The following PYROXD1 variants were observed in gnomAD, a reference collection of about 807,000 sequenced individuals.
PYROXD1 encodes the protein pyridine nucleotide-disulphide oxidoreductase domain 1, also known as tRNA ligase complex-associated NAD(P)H dehydrogenase PYROXD1.
In PYROXD1, 42 loss-of-function variants were observed where a neutral mutation model predicts 62.0. The observed-to-expected ratio is 0.68, with a 90% CI of 0.53 to 0.88. PYROXD1 has a LOEUF of 0.88. Among genes scored for constraint, PYROXD1 ranks in the 40% least tolerant of loss-of-function variants. The pLI, the probability that PYROXD1 is intolerant of heterozygous loss-of-function variation, is 0.00. For synonymous variants in PYROXD1, 170 were observed against 206.4 expected (o/e 0.82, Z 1.51); for missense variants, 493 against 604.8 (o/e 0.82, Z 1.94).
intron 8 of PYROXD1, among the ~76,000 whole-genome samples, chr12:21,461,376 C>T (rs1302267072): frequency 6.6e-6 from 1 of 152,104 alleles, no homozygotes; most frequent in Non-Finnish European, 1.5e-5. Context: ...TTACATAGAG[C>T]TGAGTGTTTT....
intron 9 of PYROXD1, 73 bp downstream of exon 9, chr12:21,462,193 ATG>A (rs1346680572): frequency 1.3e-6 from 1 of 797,332 alleles, no homozygotes; most frequent in African/African-American, 1.7e-5. Flanking sequence ...ATTCTCAAAC[ATG>A]AATAATTATT....
chr12:21,455,930 A>C (rs1331883416), intron 6 of PYROXD1, 65 bp from the exon 7 acceptor site: 44 of 1,000,136 alleles, frequency 4.4e-5, no homozygotes, highest in Non-Finnish European at 6.2e-5. Context: ...TAAATAAAAA[A>C]CTTCAGAACA....
chr12:21,470,182 G>T lies in PYROXD1; in HGVS notation c.*1428G>T, dbSNP rs1255289407. ...AAACCATCTTTAATTAGAAAATTTA[G>T]TAACATTCATATCAGGCATCATCGA... On this transcript the variant is annotated 3_prime_UTR_variant, in exon 12 of 12. Coordinates refer to ENST00000240651, the MANE Select transcript of PYROXD1 (RefSeq NM_024854.5). The T allele has an allele frequency of 1.9e-6, 3 of 1,610,072 alleles. No homozygotes were observed. In the South Asian group the frequency reaches 3.3e-5, roughly 18 times the overall value.
intron 2 of PYROXD1, among the ~76,000 whole-genome samples, chr12:21,443,665 C>T (rs1942336669): frequency 6.6e-6 from 1 of 152,072 alleles, no homozygotes; most frequent in Non-Finnish European, 1.5e-5. Flanking sequence ...TGTCGAAAAA[C>T]GTACATTCTG....
Position 21,437,817 on chromosome 12 carries a change from AGGGC to A in PYROXD1, c.84+6_84+9del. ...CGGGCGTCACTTGTGCGGAGCAGGT[AGGGC>A]GGTGCTCAGGCGGTTCCGCCTCTTT... On this transcript the variant is annotated splice_donor_5th_base_variant and intron_variant, in intron 1 of 11. Transcript: ENST00000240651. The A allele has an allele frequency of 6.2e-7, 1 of 1,611,656 alleles. No individual in the cohort carries two copies. The highest frequency in any genetic ancestry group is 8.5e-7 in the Non-Finnish European group (1 of 1,179,154).
intron 7 of PYROXD1, chr12:21,456,798 A>G: frequency 7.1e-6 from 3 of 424,184 alleles, no homozygotes; most frequent in South Asian, 1.7e-5. Context: ...TTCAAAAGTC[A>G]ATTCTCTCAA....
intron 11 of PYROXD1, among the ~76,000 whole-genome samples, chr12:21,468,183 G>A (rs1942838585): frequency 6.6e-6 from 1 of 151,836 alleles, no homozygotes; most frequent in African/African-American, 2.4e-5. Context: ...TATATTTACT[G>A]TATAGTTTTA....
At chr12:21,446,720 T>G (rs1942396737) in intron 3 of PYROXD1, among the ~76,000 whole-genome samples, 1 of 152,082 alleles carries the variant, frequency 6.6e-6, no homozygotes, top group African/African-American at 2.4e-5. Context: ...GACTCTAGCC[T>G]GGGCAACATA....
At chr12:21,452,039 A>G (rs113461835) in intron 4 of PYROXD1, 42 bp from the exon 5 acceptor site, 4 of 1,145,178 alleles carry the variant, frequency 3.5e-6, no homozygotes, top group East Asian at 4.8e-5. Flanking sequence ...ATTATTGCCC[A>G]CTATTACAAA....
chr12:21,460,240 A>AT (rs1942669613), intron 7 of PYROXD1, among the ~76,000 whole-genome samples: 1 of 132,084 alleles, frequency 7.6e-6, no homozygotes, highest in Non-Finnish European at 1.7e-5. Flanking sequence ...CTAATATTAT[A>AT]TTTTTAACCT....
intron 5 of PYROXD1, among the ~76,000 whole-genome samples, chr12:21,453,976 T>C (rs1017038013): frequency 6.6e-6 from 1 of 151,964 alleles, no homozygotes; most frequent in African/African-American, 2.4e-5. Flanking sequence ...TAATGCTATA[T>C]GACCAGAGTA....
chr12:21,449,565 C>T lies in PYROXD1; in HGVS notation c.288C>T (p.Cys96=), dbSNP rs1372487247. 2 of 1,611,636 alleles carry T rather than the reference C, an allele frequency of 1.2e-6. No homozygotes were observed. The highest frequency in any genetic ancestry group is 1.7e-6 in the Non-Finnish European group (2 of 1,178,928). Residue 96 remains cysteine (C), a splice_region_variant and synonymous_variant, in exon 4 of 12, where the codon TGC becomes TGT. Coordinates refer to ENST00000240651, the MANE Select transcript of PYROXD1 (RefSeq NM_024854.5). ...GVKQLKSEEH[C]IVTEDGNQHV... ...TTCATTGTTTGATGTATTTACAGTG[C>T]ATTGTAACAGAAGATGGCAATCAGC...
intron 2 of PYROXD1, among the ~76,000 whole-genome samples, chr12:21,440,856 G>A (rs1591934676): frequency 6.6e-6 from 1 of 152,000 alleles, no homozygotes; most frequent in Non-Finnish European, 1.5e-5. Flanking sequence ...TAATTGTTGG[G>A]TTTTTATTAT....
intron 2 of PYROXD1, among the ~76,000 whole-genome samples, 161 bp from the exon 3 acceptor site, chr12:21,445,186 G>A (rs1288028420): frequency 6.6e-6 from 1 of 152,206 alleles, no homozygotes; most frequent in African/African-American, 2.4e-5. Context: ...GTCTCTAAAT[G>A]CTGAGTCTAG....
At chr12:21,466,475 T>C (rs1942796019) in intron 10 of PYROXD1, among the ~76,000 whole-genome samples, 1 of 152,254 alleles carries the variant, frequency 6.6e-6, no homozygotes, top group South Asian at 2.1e-4. Flanking sequence ...TTGTCTGTTG[T>C]TGGTGTATAA....
At chr12:21,449,035 A>T (rs1942443332) in intron 3 of PYROXD1, among the ~76,000 whole-genome samples, 1 of 152,126 alleles carries the variant, frequency 6.6e-6, no homozygotes, top group Non-Finnish European at 1.5e-5. Context: ...TAGATTAAGA[A>T]GACATACCAT....
chr12:21,468,447 T>C, intron 11 of PYROXD1, 59 bp from the exon 12 acceptor site: 1 of 1,473,538 alleles, frequency 6.8e-7, no homozygotes, highest in Non-Finnish European at 9.3e-7. Context: ...ACAAAATAAC[T>C]ACCCATTACA....
intron 10 of PYROXD1, 44 bp downstream of exon 10, chr12:21,462,906 T>A: frequency 1.9e-6 from 3 of 1,568,728 alleles, no homozygotes; most frequent in Non-Finnish European, 2.6e-6. Context: ...AGAGATTCTG[T>A]CTGAAAATAA....
At chr12:21,452,384 T>C (rs947546762) in intron 5 of PYROXD1, among the ~76,000 whole-genome samples, 3 of 152,066 alleles carry the variant, frequency 2.0e-5, no homozygotes, top group African/African-American at 7.2e-5. Flanking sequence ...TTATAAAATA[T>C]ATATGTTTTG....
Sources: allele counts gnomAD v4.1 joint callset (sites outside exome capture counted in the v4.1 genomes callset), GRCh38; gene constraint gnomAD v4.1.1; transcripts MANE v1.5; gene names NCBI Gene and HGNC (gene_info 2026-07-23, HGNC 2026-07-21).